DOCK1: variants seen among roughly 807,000 people sequenced by gnomAD.
DOCK1 encodes dedicator of cytokinesis protein 1.
In DOCK1, 138 loss-of-function variants were observed where a neutral mutation model predicts 262.7. The ratio of observed to expected loss-of-function variants is 0.53; its 90% confidence interval spans 0.46 to 0.61. DOCK1 has a LOEUF of 0.61. Among genes scored for constraint, DOCK1 ranks in the 20% least tolerant of loss-of-function variants. The probability of loss-of-function intolerance (pLI) is 0.00; values close to 1 mark genes in which losing one functional copy is unlikely to be tolerated. For synonymous variants in DOCK1, 866 were observed against 867.4 expected, an observed-to-expected ratio of 1.00 and a Z score of 0.03; for missense variants, 1,908 against 2,370.7, an observed-to-expected ratio of 0.80 and a Z score of 4.05.
chr10:127,289,036 C>G (rs961385231), intron 29 of DOCK1, among the ~76,000 whole-genome samples: 6 of 151,976 alleles, frequency 3.9e-5, no homozygotes, highest in African/African-American at 1.5e-4. Context: ...ATATACTAAG[C>G]AAGTGTTTTC....
chr10:126,975,866 T>A (rs142128894), intron 2 of DOCK1, among the ~76,000 whole-genome samples: 1,828 of 152,140 alleles, frequency 0.012, 37 homozygotes, highest in African/African-American at 0.04. Context: ...TTATCTGCCC[T>A]CTTCGGCTGC....
chr10:127,401,484 G>A (rs894409773), intron 38 of DOCK1, among the ~76,000 whole-genome samples: 1 of 152,194 alleles, frequency 6.6e-6, no homozygotes, highest in Non-Finnish European at 1.5e-5. Context: ...TTTGACCTTG[G>A]ACTTAGGGTT....
At chr10:127,304,097 G>A (rs376512083) in intron 29 of DOCK1, among the ~76,000 whole-genome samples, 9 of 152,146 alleles carry the variant, frequency 5.9e-5, no homozygotes, top group Non-Finnish European at 8.8e-5. Context: ...GGAACAGCAC[G>A]TGCCAAGCGA....
intron 31 of DOCK1, among the ~76,000 whole-genome samples, chr10:127,352,953 G>A (rs1210401684): frequency 1.3e-5 from 2 of 152,192 alleles, no homozygotes; most frequent in African/African-American, 4.8e-5. Context: ...TAGCTGGGAT[G>A]TGAGAAGCAT....
chr10:127,358,551 C>T (rs566885337), intron 32 of DOCK1, among the ~76,000 whole-genome samples: 1 of 152,166 alleles, frequency 6.6e-6, no homozygotes, highest in Non-Finnish European at 1.5e-5. Flanking sequence ...CACACTGGAG[C>T]GAGCACTAGA....
At chr10:127,013,946 TCACC>T (rs2041669027) in intron 12 of DOCK1, among the ~76,000 whole-genome samples, 1 of 152,252 alleles carries the variant, frequency 6.6e-6, no homozygotes, top group South Asian at 2.1e-4. Context: ...GCTCATTTTA[TCACC>T]AGCAGCCCAG....
At chr10:127,253,159 C>T (rs572270316) in intron 28 of DOCK1, among the ~76,000 whole-genome samples, 215 of 152,262 alleles carry the variant, frequency 1.4e-3, no homozygotes, top group South Asian at 0.013. Flanking sequence ...GCTGACCTGC[C>T]CAAGGGGCTG....
chr10:126,911,660 T>G (rs1288600479), intron 1 of DOCK1, among the ~76,000 whole-genome samples: 1 of 152,074 alleles, frequency 6.6e-6, no homozygotes, highest in Admixed American at 6.5e-5. Context: ...TGACCCAGGG[T>G]GAGTGTTTGA....
At chr10:127,086,476 A>C (rs763312979) in intron 23 of DOCK1, among the ~76,000 whole-genome samples, 60 of 152,176 alleles carry the variant, frequency 3.9e-4, no homozygotes, top group Non-Finnish European at 5.3e-4. Context: ...TTTAACATGA[A>C]CTTGGCATTT....
chr10:127,269,590 GGTCTTGTGCAGTT>G, intron 29 of DOCK1, among the ~76,000 whole-genome samples: 1 of 152,324 alleles, frequency 6.6e-6, no homozygotes, highest in African/African-American at 2.4e-5. Flanking sequence ...GTCAAGCATA[GGTCTTGTGCAGTT>G]GTCTCTGTTC....
chr10:126,999,331 C>A, intron 8 of DOCK1, 23 bp from the exon 9 acceptor site: 1 of 1,600,722 alleles, frequency 6.2e-7, no homozygotes, highest in Non-Finnish European at 8.5e-7. Context: ...AATTAACTTG[C>A]TTTTATTTCT....
At chr10:127,404,947 G>A (rs1224088579) in intron 40 of DOCK1, among the ~76,000 whole-genome samples, 2 of 152,168 alleles carry the variant, frequency 1.3e-5, no homozygotes, top group African/African-American at 2.4e-5. Flanking sequence ...ATTGTACAGT[G>A]TTCGCCCTTC....
At chr10:127,026,829 G>A (rs1240521014) in intron 16 of DOCK1, among the ~76,000 whole-genome samples, 1 of 152,174 alleles carries the variant, frequency 6.6e-6, no homozygotes, top group Non-Finnish European at 1.5e-5. Context: ...GCTGTCTGGA[G>A]CTCAGGGATG....
At chr10:126,934,747 GTTTTTTT>G (rs1166445414) in intron 1 of DOCK1, among the ~76,000 whole-genome samples, 166 of 107,468 alleles carry the variant, frequency 1.5e-3, no homozygotes, top group African/African-American at 4.7e-3. Flanking sequence ...GAATTTACGA[GTTTTTTT>G]TTTTTTTTTT....
At chr10:127,126,829 C>T (rs987517125) in intron 26 of DOCK1, among the ~76,000 whole-genome samples, 27 of 152,162 alleles carry the variant, frequency 1.8e-4, no homozygotes, top group African/African-American at 2.9e-4. Context: ...CTAGTCACCA[C>T]GCCCATATAC....
intron 27 of DOCK1, among the ~76,000 whole-genome samples, chr10:127,147,239 C>CT (rs1258755174): frequency 5.3e-5 from 8 of 152,156 alleles, no homozygotes; most frequent in Non-Finnish European, 1.2e-4. Flanking sequence ...TCCAGCCTGT[C>CT]TAAGGGGGAG....
chr10:127,142,550 C>A (rs1287421692), intron 27 of DOCK1, among the ~76,000 whole-genome samples: 2 of 152,198 alleles, frequency 1.3e-5, no homozygotes, highest in African/African-American at 4.8e-5. Flanking sequence ...CCAGCCTTAC[C>A]TGTGCGGGGT....
chr10:127,450,983 C>T (rs777492268), intron 51 of DOCK1, among the ~76,000 whole-genome samples: 6 of 152,172 alleles, frequency 3.9e-5, no homozygotes, highest in Non-Finnish European at 5.9e-5. Flanking sequence ...TCTCATCTCA[C>T]CCCTGGAGAG....
rs201469248 is a variant in DOCK1 at position 127,199,705 on chromosome 10, AC to A, written c.2848-48302del. ...TGAGGCATACTCGTTGCCCGGGACC[AC>A]AGCAACTTCACTGGTGCTGGATCAT... is the stretch of plus-strand genomic sequence containing the variant. On this transcript the variant is annotated intron_variant, in intron 27 of 51. Transcript: ENST00000623213. Among the ~76,000 whole-genome samples the A allele has an allele frequency of 5.1e-3, 777 of 152,362 alleles. 7 individuals carry two copies. The highest frequency in any genetic ancestry group is 0.018 in the African/African-American group (744 of 41,590).
Sources: allele counts gnomAD v4.1 joint callset (sites outside exome capture counted in the v4.1 genomes callset), GRCh38; gene constraint gnomAD v4.1.1; transcripts MANE v1.5; gene names NCBI Gene and HGNC (gene_info 2026-07-23, HGNC 2026-07-21).